The following CFAP44 variants were observed in gnomAD, a reference collection of about 807,000 sequenced individuals.
The protein encoded by CFAP44 is cilia- and flagella-associated protein 44.
In CFAP44, 134 loss-of-function variants were observed where a neutral mutation model predicts 216.2. That is an observed-to-expected ratio of 0.62 (90% CI 0.54 to 0.72). The LOEUF (loss-of-function observed/expected upper bound fraction) is 0.72. CFAP44 is among the 30% of genes least tolerant of loss of function. CFAP44 has a pLI of 0.00. For missense variants in CFAP44, 2,035 were observed against 2,182.1 expected, an observed-to-expected ratio of 0.93 and a Z score of 1.34; for synonymous variants, 700 against 727.6, an observed-to-expected ratio of 0.96 and a Z score of 0.61.
In CFAP44 at chr3:113,330,522, G is replaced by A. The variant is rs909097787; in HGVS notation, c.3762C>T (p.Pro1254=). Residue 1254 remains proline (P), a synonymous_variant, in exon 26 of 35, where the codon CCC becomes CCT. Coordinates refer to ENST00000393845, the MANE Select transcript of CFAP44 (RefSeq NM_001164496.2). ...TLHISKHIPI[P]KIPQIHPEEV... ...CTTCTGGGTGTATCTGAGGAATTTT[G>A]GGAATGGGTATGTGCTTGGATATGT... The A allele has an allele frequency of 1.8e-5, 28 of 1,537,054 alleles. No homozygotes were observed. The highest frequency in any genetic ancestry group is 2.4e-5 in the Non-Finnish European group (27 of 1,146,908).
Position 113,296,867 on chromosome 3 carries a change from CG to C in CFAP44, c.5095del (p.Arg1699GlyfsTer4). 6.5e-7 allele frequency: 1 copy of C among 1,537,284 alleles called. No homozygotes were observed. Among genetic ancestry groups the C allele is most frequent in the South Asian group, 1.2e-5 (1 of 84,060 alleles). On this transcript the variant is annotated frameshift_variant, in exon 33 of 35. Transcript: ENST00000393845. LOFTEE classifies it high-confidence loss of function. ...GCCAAACTTGCTGATCATGAGCTGCCGGACTGTTTCCTCCATTTCTAAAAGA... is the reference window on the plus strand; with the variant it reads ...GCCAAACTTGCTGATCATGAGCTGCCGACTGTTTCCTCCATTTCTAAAAGA... ...KTIHKMEETV[R>X]QLMISKFGRV...
chr3:113,347,257 C>T (rs117211710), intron 22 of CFAP44, among the ~76,000 whole-genome samples: 125 of 152,234 alleles, frequency 8.2e-4, no homozygotes, highest in African/African-American at 2.5e-3. Flanking sequence ...AAACAGCTTC[C>T]GCTTTTGGGC....
At chr3:113,434,284 G>A (rs1360311763) in intron 1 of CFAP44, among the ~76,000 whole-genome samples, 2 of 152,150 alleles carry the variant, frequency 1.3e-5, no homozygotes, top group African/African-American at 4.8e-5. Context: ...GAGAAGAGGT[G>A]TTTGAGACAT....
intron 18 of CFAP44, among the ~76,000 whole-genome samples, chr3:113,372,201 C>T (rs1933189674): frequency 6.6e-6 from 1 of 152,184 alleles, no homozygotes; most frequent in African/African-American, 2.4e-5. Flanking sequence ...ACTAGAAATA[C>T]CATTTGACCC....
At chr3:113,316,054 C>A (rs1159171124) in intron 28 of CFAP44, among the ~76,000 whole-genome samples, 2 of 152,156 alleles carry the variant, frequency 1.3e-5, no homozygotes, top group East Asian at 1.9e-4. Context: ...GACCATAAAA[C>A]AAACCTCAAC....
Position 113,295,005 on chromosome 3 carries a change from G to A in CFAP44, c.5239-184C>T, listed in dbSNP as rs544388667. On this transcript the variant is annotated intron_variant, in intron 33 of 34. Coordinates refer to ENST00000393845, the MANE Select transcript of CFAP44 (RefSeq NM_001164496.2). ...TTGGGTCTGGTTTGATTAAAGATAA[G>A]AATATAAGTATGCTCAAGAATAGGA... 9.1e-3 allele frequency among the ~76,000 whole-genome samples: 1,379 copies of A among 151,166 alleles called. 13 individuals carry two copies. Among genetic ancestry groups the A allele is most frequent in the South Asian group, 0.034 (163 of 4,740 alleles).
chr3:113,415,096 T>C (rs1576599681), intron 6 of CFAP44, among the ~76,000 whole-genome samples: 1 of 152,288 alleles, frequency 6.6e-6, no homozygotes, highest in Admixed American at 6.5e-5. Context: ...CTTGGTAGGG[T>C]GTATGCATCC....
intron 34 of CFAP44, 116 bp from the exon 35 acceptor site, chr3:113,291,864 T>C: frequency 8.7e-7 from 1 of 1,143,318 alleles, no homozygotes; most frequent in Non-Finnish European, 1.2e-6. Flanking sequence ...AAACAGCCAC[T>C]GTTCCTTAAT....
chr3:113,373,501 C>T lies in CFAP44; in HGVS notation c.2354G>A (p.Ser785Asn), dbSNP rs751009539. The change falls in exon 18 of 35, where the codon AGC becomes AAC. Residue 785 changes from serine to asparagine, a missense_variant. Ser to Asn is a conservative substitution (Grantham distance 46). Around this residue, in one of 3 missense-constraint regions of CFAP44, gnomAD observed 1,883 missense variants for 2,023.7 expected, o/e 0.93. Transcript: ENST00000393845. ...ATCTTTTTGTTCTTTGAAATCACTGCTTTCATCACAAGGGGGGAACTCACA... is the reference window on the plus strand; with the variant it reads ...ATCTTTTTGTTCTTTGAAATCACTGTTTTCATCACAAGGGGGGAACTCACA... ...YHCEFPPCDE[S>N]SDFKEQKDEP... is the part of the protein sequence containing the mutation. 42 of 1,607,266 alleles carry T rather than the reference C, an allele frequency of 2.6e-5. No homozygotes were observed. Among genetic ancestry groups the T allele is most frequent in the South Asian group, 1.3e-4 (12 of 89,926 alleles).
chr3:113,351,773 C>T lies in CFAP44; in HGVS notation c.3065+6972G>A, dbSNP rs189001631. Among the ~76,000 whole-genome samples the T allele has an allele frequency of 2.0e-5, 3 of 152,282 alleles. No homozygotes were observed. In the East Asian group the frequency reaches 5.8e-4, roughly 29 times the overall value. On this transcript the variant is annotated intron_variant, in intron 22 of 34. Transcript: ENST00000393845. ...TTCTGGTCCCGTGACAGCCATCTTG[C>T]TATTACTCACCTTCGGGCCCTGTGT...
At chr3:113,315,119 C>G (rs1185558449) in intron 28 of CFAP44, among the ~76,000 whole-genome samples, 1 of 152,000 alleles carries the variant, frequency 6.6e-6, no homozygotes, top group South Asian at 2.1e-4. Context: ...TTTAAATACA[C>G]CAAAGAAAAG....
At chr3:113,331,201 T>C (rs779516865) in intron 25 of CFAP44, among the ~76,000 whole-genome samples, 5 of 152,206 alleles carry the variant, frequency 3.3e-5, no homozygotes, top group Non-Finnish European at 7.3e-5. Flanking sequence ...TTCAGTAGCA[T>C]GTCACACCAA....
chr3:113,291,437 T>C lies in CFAP44; in HGVS notation c.*120A>G, dbSNP rs1183418860. ...TAAAGTGACTTAACGTGACTGGATC[T>C]GGTTTTACACTTTCAGGCGAGTTCA... On this transcript the variant is annotated 3_prime_UTR_variant, in exon 35 of 35. Transcript: ENST00000393845. The C allele has an allele frequency of 5.9e-6, 7 of 1,185,284 alleles. No individual in the cohort carries two copies. Among genetic ancestry groups the C allele is most frequent in the African/African-American group, 1.5e-5 (1 of 64,944 alleles). 73.4% of individuals were successfully genotyped at this position (1,185,284 alleles called of 1,614,324 possible). A position where few individuals can be genotyped will look rare whatever the true frequency, so the allele number is the denominator to read the frequency against.
chr3:113,423,105 C>CTTTTTTTTT (rs72395986), intron 4 of CFAP44, among the ~76,000 whole-genome samples: 39 of 79,160 alleles, frequency 4.9e-4, no homozygotes, highest in Non-Finnish European at 5.0e-4. Context: ...CTGATCCTTC[C>CTTTTTTTTT]TTTTTTTTTT....
In CFAP44 at chr3:113,416,430, C is replaced by T. The variant is rs376773330; in HGVS notation, c.673+95G>A. ...TTTCTGTCTTCCACTAGTTCTGTTT[C>T]TCTGGAGAACCTTGACTTATGAAAT... On this transcript the variant is annotated intron_variant, in intron 6 of 34. Coordinates refer to ENST00000393845, the MANE Select transcript of CFAP44 (RefSeq NM_001164496.2). 4.1e-4 allele frequency: 397 copies of T among 962,048 alleles called. 3 individuals carry two copies. In the African/African-American group the frequency reaches 4.7e-3, roughly 11 times the overall value. 59.6% of individuals were successfully genotyped at this position (962,048 alleles called of 1,614,324 possible).
chr3:113,379,594 T>C lies in CFAP44; in HGVS notation c.2053-43A>G, dbSNP rs535883433. On this transcript the variant is annotated intron_variant, in intron 16 of 34. Coordinates refer to ENST00000393845, the MANE Select transcript of CFAP44 (RefSeq NM_001164496.2). ...AAGTAGGTATAAAAACAATTATGAC[T>C]CATTCGTTCATTTACACCATTAGGG... The C allele has an allele frequency of 1.2e-4, 177 of 1,453,284 alleles. 3 individuals carry two copies. The South Asian group carries it at 1.8e-3, about 15-fold the overall frequency. The allele number at this position is 1,453,284 out of a possible 1,614,324, so 90.0% of individuals were successfully genotyped here.
At chr3:113,353,970 A>G (rs1203370037) in intron 22 of CFAP44, among the ~76,000 whole-genome samples, 1 of 152,160 alleles carries the variant, frequency 6.6e-6, no homozygotes, top group Non-Finnish European at 1.5e-5. Flanking sequence ...ACCTGATAAT[A>G]CATGGGACAT....
chr3:113,358,021 A>G (rs1165760878), intron 22 of CFAP44, among the ~76,000 whole-genome samples: 1 of 152,214 alleles, frequency 6.6e-6, no homozygotes, highest in Non-Finnish European at 1.5e-5. Flanking sequence ...AGAATGAACT[A>G]CTGATACATG....
intron 28 of CFAP44, among the ~76,000 whole-genome samples, chr3:113,315,347 T>A (rs1396280214): frequency 6.6e-6 from 1 of 152,138 alleles, no homozygotes; most frequent in Admixed American, 6.5e-5. Flanking sequence ...AAACCTTACA[T>A]AATGACAAAA....
Sources: gnomAD v4.1 joint callset for allele counts (sites outside exome capture counted in the v4.1 genomes callset) on GRCh38, gnomAD v4.1.1 for gene constraint, gnomAD v4.1.1 regional missense constraint, MANE v1.5 for transcripts, NCBI Gene and HGNC (gene_info 2026-07-23, HGNC 2026-07-21) for gene names.